The following DACT1 variants were observed in gnomAD, a reference collection of about 807,000 sequenced individuals.
DACT1 encodes the protein dapper homolog 1.
A neutral mutation model predicts 35.3 loss-of-function variants in DACT1; 19 were observed. The ratio of observed to expected loss-of-function variants is 0.54; its 90% confidence interval spans 0.38 to 0.79. The LOEUF (loss-of-function observed/expected upper bound fraction) is 0.79. Among genes scored for constraint, DACT1 ranks in the 30% least tolerant of loss-of-function variants. DACT1 has a pLI of 0.00. For missense variants in DACT1, 1,143 were observed against 1,057.5 expected (o/e 1.08, Z -1.12); for synonymous variants, 545 against 466.7 (o/e 1.17, Z -2.16).
At position 58,645,484 on chromosome 14, in the gene DACT1, G is replaced by C. The variant is rs892486399; in HGVS notation, c.750G>C (p.Leu250=). The part of the protein sequence containing the change: ...AVQSPMFLLC[L]TGNPLREEDR... ...AGAGCCCAATGTTTCTCCTTTGTCT[G>C]ACGGGCAACCCTCTGAGGGAAGAGG... Residue 250 remains leucine (L), a synonymous_variant, in exon 4 of 4, where the codon CTG becomes CTC. Transcript: ENST00000395153. 1.2e-6 allele frequency: 2 copies of C among 1,614,198 alleles called. No individual in the cohort carries two copies. The highest frequency in any genetic ancestry group is 1.7e-6 in the Non-Finnish European group (2 of 1,180,040).
chr14:58,637,500 G>C (rs1421893200), upstream of DACT1, among the ~76,000 whole-genome samples: 1 of 152,232 alleles, frequency 6.6e-6, no homozygotes, highest in East Asian at 1.9e-4. Context: ...AACCTAACTC[G>C]GTGTGAGTGG....
rs2047678939 is a variant in DACT1 at position 58,646,206 on chromosome 14, C to T, written c.1472C>T (p.Thr491Ile). Residue 491 changes from threonine (T) to isoleucine (I), a missense_variant, in exon 4 of 4, where the codon ACA becomes ATA. Transcript: ENST00000395153. ...CCGGCCACTCCTCCCCTGCTGTCTA[C>T]AGCTTTCCCCGTGGAAGAGAGGCCT... Reference protein sequence around the residue: ...VPPATPPLLSTAFPVEERPAL... With the variant: ...VPPATPPLLSIAFPVEERPAL... 7 of 1,613,584 alleles carry T rather than the reference C, an allele frequency of 4.3e-6. No homozygotes were observed. Among genetic ancestry groups the T allele is most frequent in the East Asian group, 2.2e-5 (1 of 44,900 alleles).
chr14:58,642,824 TTTTTC>T (rs1427560919), intron 3 of DACT1, among the ~76,000 whole-genome samples: 6 of 152,356 alleles, frequency 3.9e-5, no homozygotes, highest in East Asian at 3.9e-4. Context: ...GGCAGCTTGT[TTTTTC>T]TTTTAAGTGG....
At position 58,645,699 on chromosome 14, in the gene DACT1, G is replaced by C. The variant is rs1281143036; in HGVS notation, c.965G>C (p.Arg322Thr). 3.7e-6 allele frequency: 6 copies of C among 1,614,094 alleles called. No individual in the cohort carries two copies. Among genetic ancestry groups the C allele is most frequent in the Non-Finnish European group, 5.1e-6 (6 of 1,180,046 alleles). Residue 322 changes from arginine (R) to threonine (T), a missense_variant, in exon 4 of 4, where the codon AGA becomes ACA. Around this residue, in one of 3 missense-constraint regions of DACT1, gnomAD observed 1,054 missense variants for 958.8 expected, o/e 1.10. Coordinates refer to ENST00000395153, the MANE Select transcript of DACT1 (RefSeq NM_001079520.2). The stretch of plus-strand genomic sequence containing the variant: ...CACCCTGTAAGGACCAACAAACCAA[G>C]AACCAGCGTGAACGCTGACCCCACG... Reference protein sequence around the residue: ...KTHPVRTNKPRTSVNADPTKG... With the variant: ...KTHPVRTNKPTTSVNADPTKG...
chr14:58,646,559 C>T lies in DACT1; in HGVS notation c.1825C>T (p.Pro609Ser), dbSNP rs2047687180. The change falls in exon 4 of 4, where the codon CCC becomes TCC. Residue 609 changes from proline (P) to serine (S), a missense_variant. Physicochemically the swap from Pro to Ser is moderately conservative, Grantham distance 74 (BLOSUM62 -1). Transcript: ENST00000395153. The stretch of plus-strand genomic sequence containing the variant: ...GCCCGAGGCTGGTGTTCCCGGCAGG[C>T]CCGCGGGCGGGGGCCACAGGGCGGG... ...GGPEAGVPGR[P>S]AGGGHRAGSR... The T allele has an allele frequency of 6.4e-7, 1 of 1,557,536 alleles. No individual in the cohort carries two copies. Among genetic ancestry groups the T allele is most frequent in the South Asian group, 1.2e-5 (1 of 85,018 alleles).
chr14:58,640,912 G>C, intron 2 of DACT1, 44 bp downstream of exon 2: 17 of 1,609,986 alleles, frequency 1.1e-5, no homozygotes, highest in Non-Finnish European at 1.4e-5. Flanking sequence ...CTCTTGAGTT[G>C]TATCTCAGCC....
chr14:58,644,506 CA>C (rs1352663583), intron 3 of DACT1, among the ~76,000 whole-genome samples: 1 of 152,192 alleles, frequency 6.6e-6, no homozygotes, highest in Non-Finnish European at 1.5e-5. Flanking sequence ...GTTAGGATTG[CA>C]GGCGTGAGCC....
chr14:58,645,282 A>G, intron 3 of DACT1, 87 bp from the exon 4 acceptor site: 4 of 1,614,044 alleles, frequency 2.5e-6, no homozygotes, highest in East Asian at 2.2e-5. Flanking sequence ...TTGGAATATA[A>G]AGAAGGCCAC....
Position 58,641,666 on chromosome 14 carries a change from T to TAA in DACT1, c.553_554insAA (p.Ser185Ter). ...SSNSVFSECLSSCHSSTCFCS... is the reference protein window; with the variant it reads ...SSNSVFSECL The stretch of plus-strand genomic sequence containing the variant: ...TAACTCGGTGTTCAGTGAGTGTTTA[T>TAA]CCAGTTGTCATTCCAGCACCTGCTT... Residue 185 changes from serine (S) to a stop codon, truncating the protein, a stop_gained and frameshift_variant, in exon 3 of 4, where the codon TCC (serine) becomes TAACC (stop). Transcript: ENST00000395153. LOFTEE classifies it high-confidence loss of function. The TAA allele has an allele frequency of 6.2e-7, 1 of 1,614,236 alleles. No homozygotes were observed. The highest frequency in any genetic ancestry group is 8.5e-7 in the Non-Finnish European group (1 of 1,180,046).
At chr14:58,635,817 T>C (rs182513621), upstream of DACT1, among the ~76,000 whole-genome samples, 2 of 152,284 alleles carry the variant, frequency 1.3e-5, no homozygotes, top group Admixed American at 6.5e-5. Context: ...TAGTTGTCGA[T>C]GTGTGACATA....
In DACT1 at chr14:58,638,060, A is replaced by T; in HGVS notation, c.-143A>T. On this transcript the variant is annotated 5_prime_UTR_variant, in exon 1 of 4. Coordinates refer to ENST00000395153, the MANE Select transcript of DACT1 (RefSeq NM_001079520.2). Reference sequence around the variant, plus strand: ...AGCCGGCGGTCGCGCGCAGGACTCGAGGGCTTCTAGCCACCGTCCCCGCCA... The same window carrying T: ...AGCCGGCGGTCGCGCGCAGGACTCGTGGGCTTCTAGCCACCGTCCCCGCCA... The T allele has an allele frequency of 1.1e-6, 1 of 884,704 alleles. No homozygotes were observed. Among genetic ancestry groups the T allele is most frequent in the Non-Finnish European group, 1.5e-6 (1 of 685,226 alleles). The allele number at this position is 884,704 out of a possible 1,614,324, so 54.8% of individuals were successfully genotyped here.
At chr14:58,639,128 C>G in intron 1 of DACT1, 2 of 985,330 alleles carry the variant, frequency 2.0e-6, no homozygotes, top group South Asian at 9.4e-5. Context: ...AATAGAAGCC[C>G]TTTGTATAAG....
At position 58,638,443 on chromosome 14, in the gene DACT1, G is replaced by C. The variant is rs754034136; in HGVS notation, c.241G>C (p.Ala81Pro). The C allele has an allele frequency of 7.5e-7, 1 of 1,340,474 alleles. No homozygotes were observed. The highest frequency in any genetic ancestry group is 2.3e-5 in the South Asian group (1 of 42,764). The allele number at this position is 1,340,474 out of a possible 1,614,324, so 83.0% of individuals were successfully genotyped here. The change falls in exon 1 of 4, where the codon GCC (alanine) becomes CCC (proline). Residue 81 changes from alanine to proline, a missense_variant. By Grantham distance (27) the Ala-to-Pro change is conservative. Coordinates refer to ENST00000395153, the MANE Select transcript of DACT1 (RefSeq NM_001079520.2). ...GALRGAGGAG[A>P]AAPRAGELLG... ...CCTGCGCGGCGCCGGGGGTGCGGGA[G>C]CCGCTGCGCCCCGCGCTGGGGAGCT...
chr14:58,636,776 G>T (rs918708115), upstream of DACT1, among the ~76,000 whole-genome samples: 3 of 152,074 alleles, frequency 2.0e-5, no homozygotes, highest in Non-Finnish European at 4.4e-5. Flanking sequence ...TGCTTTTAAA[G>T]ATATATGTGG....
In DACT1 at chr14:58,638,490, C is replaced by T. The variant is rs772946799; in HGVS notation, c.288C>T (p.Arg96=). The part of the protein sequence containing the change: ...AGELLGEAAQ[R]SRLEEKFLEE... ...AGCTACTGGGGGAGGCGGCGCAGCG[C>T]AGTCGCCTGGAGGAGAAGTTCTTGG... is the stretch of plus-strand genomic sequence containing the variant. The change falls in exon 1 of 4, where the codon CGC becomes CGT. Residue 96 remains arginine (R), a synonymous_variant. Transcript: ENST00000395153. The T allele has an allele frequency of 1.6e-5, 22 of 1,358,792 alleles. No homozygotes were observed. Among genetic ancestry groups the T allele is most frequent in the East Asian group, 1.1e-4 (4 of 36,034 alleles). The allele number at this position is 1,358,792 out of a possible 1,614,324, so 84.2% of individuals were successfully genotyped here.
upstream of DACT1, among the ~76,000 whole-genome samples, chr14:58,636,340 G>C (rs1044642886): frequency 4.6e-5 from 7 of 152,154 alleles, no homozygotes; most frequent in Admixed American, 2.0e-4. Context: ...CTACATTCTC[G>C]AGTCTCTCTC....
At position 58,640,035 on chromosome 14, in the gene DACT1, T is replaced by C. The variant is rs3759674; in HGVS notation, c.346-701T>C. The stretch of plus-strand genomic sequence containing the variant: ...TCATTTGTAGACTTGGCATTCATGA[T>C]TTGAACCAGATGCTTTTTGAGTTCT... On this transcript the variant is annotated intron_variant, in intron 1 of 3. Coordinates refer to ENST00000395153, the MANE Select transcript of DACT1 (RefSeq NM_001079520.2). Among the ~76,000 whole-genome samples the C allele has an allele frequency of 5.4e-4, 82 of 152,366 alleles. 1 individual carries two copies. In the East Asian group the frequency reaches 0.013, roughly 24 times the overall value.
rs1293981626 is a variant in DACT1 at position 58,641,657 on chromosome 14, G to A, written c.544G>A (p.Glu182Lys). 6.2e-7 allele frequency: 1 copy of A among 1,614,168 alleles called. No individual in the cohort carries two copies. The highest frequency in any genetic ancestry group is 1.7e-5 in the Admixed American group (1 of 60,020). ...CAATTCCTCTAACTCGGTGTTCAGT[G>A]AGTGTTTATCCAGTTGTCATTCCAG... is the stretch of plus-strand genomic sequence containing the variant. The part of the protein sequence containing the change: ...LSNSSNSVFS[E>K]CLSSCHSSTC... Residue 182 changes from glutamate (E) to lysine (K), a missense_variant, in exon 3 of 4, where the codon GAG becomes AAG. Coordinates refer to ENST00000395153, the MANE Select transcript of DACT1 (RefSeq NM_001079520.2).
rs762257085 is a variant in DACT1 at position 58,647,312 on chromosome 14, G to A, written c.*178G>A. The A allele has an allele frequency of 1.9e-5, 14 of 720,046 alleles. No individual in the cohort carries two copies. The highest frequency in any genetic ancestry group is 3.3e-5 in the Admixed American group (1 of 30,752). The allele number at this position is 720,046 out of a possible 1,614,324, so 44.6% of individuals were successfully genotyped here. A position where few individuals can be genotyped will look rare whatever the true frequency, so the allele number is the denominator to read the frequency against. On this transcript the variant is annotated 3_prime_UTR_variant, in exon 4 of 4. Coordinates refer to ENST00000395153, the MANE Select transcript of DACT1 (RefSeq NM_001079520.2). ...CGTATGGATGCTAGTGCCTTTAATGGAAGGTAAAGAATGTTTTGCTAGTTA... is the reference window on the plus strand; with the variant it reads ...CGTATGGATGCTAGTGCCTTTAATGAAAGGTAAAGAATGTTTTGCTAGTTA...
Sources: gnomAD v4.1 joint callset for allele counts (sites outside exome capture counted in the v4.1 genomes callset) on GRCh38, gnomAD v4.1.1 for gene constraint, gnomAD v4.1.1 regional missense constraint, MANE v1.5 for transcripts, NCBI Gene and HGNC (gene_info 2026-07-23, HGNC 2026-07-21) for gene names.